SPOCD1: variants seen among roughly 807,000 people sequenced by gnomAD.
SPOCD1 encodes SPOC domain-containing protein 1.
In SPOCD1, 64 loss-of-function variants were observed where a neutral mutation model predicts 92.2. The ratio of observed to expected loss-of-function variants is 0.69; its 90% confidence interval spans 0.57 to 0.86. The LOEUF is 0.86. SPOCD1 is among the 40% of genes least tolerant of loss of function. The pLI, the probability that SPOCD1 is intolerant of heterozygous loss-of-function variation, is 0.00. For missense variants in SPOCD1, 1,360 were observed against 1,543.1 expected, an observed-to-expected ratio of 0.88 and a Z score of 1.99; for synonymous variants, 578 against 619.3, an observed-to-expected ratio of 0.93 and a Z score of 0.99.
In SPOCD1 at chr1:31,815,400, T is replaced by C; in HGVS notation, c.-39-28A>G. ...GTGTGGAGACAGAAAGAGGAGACTT[T>C]GTCTTGGAGAGTCCGACCTGTCAGC... On this transcript the variant is annotated intron_variant, in intron 1 of 15. Transcript: ENST00000360482. The C allele has an allele frequency of 2.0e-6, 3 of 1,471,432 alleles. No homozygotes were observed. In the East Asian group the frequency reaches 6.9e-5, roughly 34 times the overall value. The allele number at this position is 1,471,432 out of a possible 1,614,324, so 91.1% of individuals were successfully genotyped here. A position where few individuals can be genotyped will look rare whatever the true frequency, so the allele number is the denominator to read the frequency against.
At position 31,790,859 on chromosome 1, in the gene SPOCD1, C is replaced by G. The variant is rs766864890; in HGVS notation, c.3395G>C (p.Gly1132Ala). The change falls in exon 16 of 16, where the codon GGC (glycine) becomes GCC (alanine). Residue 1132 changes from glycine to alanine, a missense_variant. This residue lies in a region of SPOCD1 where 614 missense variants were observed against 757.8 expected (regional missense o/e 0.81). Coordinates refer to ENST00000360482, the MANE Select transcript of SPOCD1 (RefSeq NM_144569.7). ...GTGGAAGTGCTGGCCACGGCCAAAGCCATGACCAGCTGGTGCTACTGAATA... is the reference window on the plus strand; with the variant it reads ...GTGGAAGTGCTGGCCACGGCCAAAGGCATGACCAGCTGGTGCTACTGAATA... The part of the protein sequence containing the change: ...HPYSVAPAGH[G>A]FGRGQHFHRD... 4 of 1,562,574 alleles carry G rather than the reference C, an allele frequency of 2.6e-6. No individual in the cohort carries two copies. The highest frequency in any genetic ancestry group is 3.5e-6 in the Non-Finnish European group (4 of 1,154,448).
intron 2 of SPOCD1, among the ~76,000 whole-genome samples, chr1:31,807,426 A>G (rs1320809207): frequency 4.7e-4 from 6 of 12,820 alleles, no homozygotes; most frequent in African/African-American, 7.2e-4. Context: ...AGGGGGAGGG[A>G]AGAGAAGGGG....
At chr1:31,802,239 A>G (rs1176004173) in intron 2 of SPOCD1, among the ~76,000 whole-genome samples, 1 of 152,246 alleles carries the variant, frequency 6.6e-6, no homozygotes, top group Non-Finnish European at 1.5e-5. Context: ...TATGTGGCTT[A>G]TAAAGGGTAA....
At chr1:31,799,325 C>A (rs1648263624) in intron 7 of SPOCD1, 76 bp downstream of exon 7, 10 of 1,323,570 alleles carry the variant, frequency 7.6e-6, no homozygotes, top group Non-Finnish European at 9.6e-6. Flanking sequence ...GCCCTTAGAA[C>A]ATGGCAGGGC....
In SPOCD1 at chr1:31,790,564, T is replaced by C. The variant is rs1317767535; in HGVS notation, c.*39A>G. ...TCTCTGGAACAGGCTTCAACACTAG[T>C]GAGGGCATCAAAACCCCTGTTCTGG... On this transcript the variant is annotated 3_prime_UTR_variant, in exon 16 of 16. Transcript: ENST00000360482. The C allele has an allele frequency of 6.5e-7, 1 of 1,528,174 alleles. No individual in the cohort carries two copies. The highest frequency in any genetic ancestry group is 2.4e-5 in the East Asian group (1 of 40,822). 94.7% of individuals were successfully genotyped at this position (1,528,174 alleles called of 1,614,324 possible). A position where few individuals can be genotyped will look rare whatever the true frequency, so the allele number is the denominator to read the frequency against.
At chr1:31,800,360 C>T in intron 4 of SPOCD1, 81 bp downstream of exon 4, 1 of 1,466,508 alleles carries the variant, frequency 6.8e-7, no homozygotes, top group Non-Finnish European at 9.1e-7. Context: ...CACCCTCTCT[C>T]TGAGCCTCAG....
At chr1:31,815,773 G>A (rs1334475999) in intron 1 of SPOCD1, 188 bp downstream of exon 1, 1 of 119,414 alleles carries the variant, frequency 8.4e-6, no homozygotes, top group East Asian at 2.5e-4. Context: ...GGAAGGGCCA[G>A]GAGTCTCTCT....
chr1:31,815,353 C>A lies in SPOCD1; in HGVS notation c.-20G>T. 1 of 1,519,314 alleles carries A rather than the reference C, an allele frequency of 6.6e-7. No individual in the cohort carries two copies. 94.1% of individuals were successfully genotyped at this position (1,519,314 alleles called of 1,614,324 possible). On this transcript the variant is annotated 5_prime_UTR_variant, in exon 2 of 16. Transcript: ENST00000360482. ...GGACATGTCTGTCCACCTACCTGGG[C>A]CAAAAGCACAACACGGGCCCTGTGT...
intron 6 of SPOCD1, 51 bp from the exon 7 acceptor site, chr1:31,799,536 AG>A: frequency 2.0e-6 from 3 of 1,514,924 alleles, no homozygotes; most frequent in Non-Finnish European, 2.7e-6. Flanking sequence ...GGGAAAGGGG[AG>A]GGGGCTGACT....
In SPOCD1 at chr1:31,800,527, C is replaced by A; in HGVS notation, c.1516G>T (p.Asp506Tyr). 6.2e-7 allele frequency: 1 copy of A among 1,612,504 alleles called. No individual in the cohort carries two copies. The highest frequency in any genetic ancestry group is 8.5e-7 in the Non-Finnish European group (1 of 1,179,418). Residue 506 changes from aspartate to tyrosine, a missense_variant, in exon 4 of 16, where the codon GAC becomes TAC. Asp to Tyr is a radical substitution (Grantham distance 160). Coordinates refer to ENST00000360482, the MANE Select transcript of SPOCD1 (RefSeq NM_144569.7). ...GAGGGTGAGCTGACCTCCATCAAGT[C>A]CTCTAGAACCTCCAGCTTTGGTGGC... ...QLPPKLEVLEDLMEVSSPSPA... is the reference protein window; with the variant it reads ...QLPPKLEVLEYLMEVSSPSPA...
At chr1:31,810,838 G>A (rs1221514574) in intron 2 of SPOCD1, among the ~76,000 whole-genome samples, 1 of 152,114 alleles carries the variant, frequency 6.6e-6, no homozygotes, top group Admixed American at 6.5e-5. Context: ...AGGGATTCTG[G>A]GTCAGGCCAG....
At position 31,798,842 on chromosome 1, in the gene SPOCD1, G is replaced by C. The variant is rs796303143; in HGVS notation, c.1869-241C>G. On this transcript the variant is annotated intron_variant, in intron 7 of 15. Transcript: ENST00000360482. This position sits in a 1 kb window ranked among gnomAD's most constrained non-coding sequence, Gnocchi z 4.1. ...AAATAAGAGGCTTACTCACAACTGT[G>C]TAATTAGTGGCAAAAGCAAGATTTG... 1.7e-6 allele frequency: 1 copy of C among 578,794 alleles called. No homozygotes were observed. The highest frequency in any genetic ancestry group is 3.1e-6 in the Non-Finnish European group (1 of 327,400). 35.9% of individuals were successfully genotyped at this position (578,794 alleles called of 1,614,324 possible).
intron 9 of SPOCD1, among the ~76,000 whole-genome samples, chr1:31,797,729 C>A (rs1264617905): frequency 6.6e-6 from 1 of 152,218 alleles, no homozygotes; most frequent in African/African-American, 2.4e-5. Flanking sequence ...GCTTCCCTGT[C>A]CCAGAGCAGT....
chr1:31,798,684 G>A lies in SPOCD1; in HGVS notation c.1869-83C>T, dbSNP rs758896643. ...GTCCCAGAGGGAGGCAGCTGGGTGGGCGGCAGGGTCTGGGCCAACTTGTTC... is the reference window on the plus strand; with the variant it reads ...GTCCCAGAGGGAGGCAGCTGGGTGGACGGCAGGGTCTGGGCCAACTTGTTC... On this transcript the variant is annotated intron_variant, in intron 7 of 15. Transcript: ENST00000360482. The surrounding 1 kb of genome is among the most constrained non-coding windows in gnomAD (Gnocchi z 4.1). 2 of 1,503,084 alleles carry A rather than the reference G, an allele frequency of 1.3e-6. No individual in the cohort carries two copies. The highest frequency in any genetic ancestry group is 9.0e-7 in the Non-Finnish European group (1 of 1,114,612). 93.1% of individuals were successfully genotyped at this position (1,503,084 alleles called of 1,614,324 possible). A position where few individuals can be genotyped will look rare whatever the true frequency, so the allele number is the denominator to read the frequency against.
chr1:31,792,429 A>G (rs1434369907), intron 14 of SPOCD1, 28 bp from the exon 15 acceptor site: 1 of 1,606,492 alleles, frequency 6.2e-7, no homozygotes, highest in East Asian at 2.2e-5. Context: ...GAGCAGCTGT[A>G]AGCGCAGTCA....
chr1:31,790,531 C>A lies in SPOCD1; in HGVS notation c.*72G>T. The A allele has an allele frequency of 3.6e-6, 5 of 1,390,610 alleles. No individual in the cohort carries two copies. Among genetic ancestry groups the A allele is most frequent in the Admixed American group, 2.2e-5 (1 of 45,118 alleles). 86.1% of individuals were successfully genotyped at this position (1,390,610 alleles called of 1,614,324 possible). On this transcript the variant is annotated 3_prime_UTR_variant, in exon 16 of 16. Coordinates refer to ENST00000360482, the MANE Select transcript of SPOCD1 (RefSeq NM_144569.7). Reference sequence around the variant, plus strand: ...GGGCTGACCATCCTCTCCTTGCAGTCCCACCTCTCTCTGGAACAGGCTTCA... The same window carrying A: ...GGGCTGACCATCCTCTCCTTGCAGTACCACCTCTCTCTGGAACAGGCTTCA...
rs753852706 is a variant in SPOCD1 at position 31,814,190 on chromosome 1, C to A, written c.1144G>T (p.Ala382Ser). 3 of 1,571,430 alleles carry A rather than the reference C, an allele frequency of 1.9e-6. No homozygotes were observed. Among genetic ancestry groups the A allele is most frequent in the Non-Finnish European group, 1.7e-6 (2 of 1,156,868 alleles). ...GAGCTGGCACAGGTGTCAGCGGGGG[C>A]AGCGAGTCCTTGCTCCAGCCTTCCC... ...SRGRLEQGLA[A>S]PADTCASSRE... The change falls in exon 2 of 16, where the codon GCC becomes TCC. Residue 382 changes from alanine (A) to serine (S), a missense_variant. Coordinates refer to ENST00000360482, the MANE Select transcript of SPOCD1 (RefSeq NM_144569.7). This position sits in a 1 kb window ranked among gnomAD's most constrained non-coding sequence, Gnocchi z 4.2.
intron 15 of SPOCD1, 88 bp from the exon 16 acceptor site, chr1:31,791,379 A>G: frequency 9.0e-7 from 1 of 1,105,380 alleles, no homozygotes; most frequent in Non-Finnish European, 1.2e-6. Context: ...GATGGGGCCC[A>G]TGAGATGCTG....
chr1:31,806,346 T>C (rs758298879), intron 2 of SPOCD1, among the ~76,000 whole-genome samples: 1 of 152,108 alleles, frequency 6.6e-6, no homozygotes, highest in Admixed American at 6.5e-5. Context: ...TATATAAAAA[T>C]TGAGCAAAGC....
Sources: allele counts gnomAD v4.1 joint callset (sites outside exome capture counted in the v4.1 genomes callset), GRCh38; gene constraint gnomAD v4.1.1; regional missense constraint gnomAD v4.1.1; non-coding constraint Gnocchi (gnomAD v3.1); transcripts MANE v1.5; gene names NCBI Gene and HGNC (gene_info 2026-07-23, HGNC 2026-07-21).